COL4A2: variants seen among roughly 807,000 people sequenced by gnomAD.
COL4A2 encodes the protein collagen type IV alpha 2 chain.
COL4A2 carries 99 observed loss-of-function variants against 200.2 expected under a neutral mutation model. The observed-to-expected ratio is 0.49, with a 90% confidence interval of 0.42 to 0.58. The LOEUF (loss-of-function observed/expected upper bound fraction) is 0.58, where lower values mean the gene tolerates loss of function less well. COL4A2 is among the 20% of genes least tolerant of loss of function. The pLI, the probability that COL4A2 is intolerant of heterozygous loss-of-function variation, is 0.00. For synonymous variants in COL4A2, 897 were observed against 900.6 expected (o/e 1.00, Z 0.07); for missense variants, 1,950 against 2,314.1 (o/e 0.84, Z 3.23).
At chr13:110,485,955 G>C in intron 34 of COL4A2, 119 bp downstream of exon 34, 1 of 1,475,292 alleles carries the variant, frequency 6.8e-7, no homozygotes, top group Admixed American at 2.5e-5. Flanking sequence ...GTTCAGGGCA[G>C]CCTCAGGCTT....
intron 3 of COL4A2, among the ~76,000 whole-genome samples, chr13:110,327,241 G>A (rs1885441595): frequency 6.6e-6 from 1 of 152,176 alleles, no homozygotes; most frequent in Non-Finnish European, 1.5e-5. Context: ...CATGGAATTT[G>A]GGCGTCCCCA....
chr13:110,351,368 C>T (rs544969119), intron 3 of COL4A2, among the ~76,000 whole-genome samples: 1 of 152,302 alleles, frequency 6.6e-6, no homozygotes, highest in African/African-American at 2.4e-5. Flanking sequence ...AGCCCCCGCA[C>T]CCAGCCTTCT....
At chr13:110,437,882 T>G in intron 13 of COL4A2, 120 bp from the exon 14 acceptor site, 1 of 839,040 alleles carries the variant, frequency 1.2e-6, no homozygotes, top group Non-Finnish European at 2.0e-6. Flanking sequence ...GTAATCAATT[T>G]ATGATGATTG....
intron 3 of COL4A2, among the ~76,000 whole-genome samples, chr13:110,336,041 A>G (rs1366289781): frequency 6.6e-6 from 1 of 152,206 alleles, no homozygotes; most frequent in Non-Finnish European, 1.5e-5. Flanking sequence ...CTTTCCCCCC[A>G]GAGCTGACAT....
At chr13:110,504,590 T>G (rs1411548751) in intron 45 of COL4A2, among the ~76,000 whole-genome samples, 1 of 152,194 alleles carries the variant, frequency 6.6e-6, no homozygotes, top group Non-Finnish European at 1.5e-5. Flanking sequence ...AGAGCCGCAC[T>G]GCGAAGCCCT....
chr13:110,456,810 G>T (rs28502737), intron 20 of COL4A2: 1 of 437,886 alleles, frequency 2.3e-6, no homozygotes, highest in South Asian at 1.7e-5. Flanking sequence ...CCATGGTGCC[G>T]ATGCCCTGCG....
At chr13:110,454,255 T>A (rs1318930484) in intron 20 of COL4A2, among the ~76,000 whole-genome samples, 1 of 152,210 alleles carries the variant, frequency 6.6e-6, no homozygotes, top group African/African-American at 2.4e-5. Flanking sequence ...ATAGGACTTA[T>A]TTAAAATGAC....
intron 4 of COL4A2, among the ~76,000 whole-genome samples, chr13:110,411,690 G>A (rs1321634944): frequency 6.6e-6 from 1 of 152,152 alleles, no homozygotes; most frequent in African/African-American, 2.4e-5. Flanking sequence ...TATTTTTGTA[G>A]ACAATTTGTC....
intron 40 of COL4A2, among the ~76,000 whole-genome samples, chr13:110,500,796 A>C (rs532956925): frequency 6.6e-6 from 1 of 152,242 alleles, no homozygotes; most frequent in African/African-American, 2.4e-5. Flanking sequence ...ATTCAGGAAC[A>C]GTCAACATGC....
At chr13:110,462,002 G>C (rs892972108) in intron 22 of COL4A2, 112 bp from the exon 23 acceptor site, 90 of 1,493,336 alleles carry the variant, frequency 6.0e-5, no homozygotes, top group Non-Finnish European at 6.9e-5. Flanking sequence ...CGCTCGGTTT[G>C]GTGACGGGTG....
At chr13:110,450,922 C>T (rs901653768) in intron 20 of COL4A2, among the ~76,000 whole-genome samples, 4 of 152,154 alleles carry the variant, frequency 2.6e-5, no homozygotes, top group East Asian at 1.9e-4. Flanking sequence ...CTTCTCAGCC[C>T]GTGCACAGCC....
intron 3 of COL4A2, among the ~76,000 whole-genome samples, chr13:110,349,978 G>T (rs1876883803): frequency 6.6e-6 from 1 of 152,020 alleles, no homozygotes; most frequent in African/African-American, 2.4e-5. Context: ...TGGCCAGGCT[G>T]GTCTTGAACT....
chr13:110,455,235 G>A (rs559912018), intron 20 of COL4A2, among the ~76,000 whole-genome samples: 2 of 152,238 alleles, frequency 1.3e-5, no homozygotes, highest in African/African-American at 4.8e-5. Context: ...TAAAAGCCAA[G>A]TCCGGTTTCT....
At chr13:110,471,991 G>A (rs867740053) in intron 28 of COL4A2, among the ~76,000 whole-genome samples, 5 of 152,160 alleles carry the variant, frequency 3.3e-5, no homozygotes, top group African/African-American at 1.2e-4. Flanking sequence ...GCCATGTCAG[G>A]GCTGACTGCA....
intron 13 of COL4A2, 102 bp from the exon 14 acceptor site, chr13:110,437,900 A>G: frequency 1.1e-6 from 1 of 936,580 alleles, no homozygotes; most frequent in Non-Finnish European, 1.7e-6. Flanking sequence ...TTGTGTGAGG[A>G]TTGATTCAGT....
At chr13:110,420,224 T>C (rs74936919) in intron 4 of COL4A2, among the ~76,000 whole-genome samples, 3 of 152,202 alleles carry the variant, frequency 2.0e-5, no homozygotes, top group Admixed American at 6.5e-5. Context: ...TGGTCCCATC[T>C]GAGCCCCTGT....
intron 36 of COL4A2, among the ~76,000 whole-genome samples, chr13:110,490,071 G>A (rs762694989): frequency 6.6e-6 from 1 of 152,224 alleles, no homozygotes; most frequent in Non-Finnish European, 1.5e-5. Flanking sequence ...AAGTGTAACT[G>A]ATGAAAAGCC....
In COL4A2 at chr13:110,436,298, G is replaced by A. The variant is rs766567468; in HGVS notation, c.756G>A (p.Gly252=). ...ACGTAGGGCAGCCGGGACCCAACGG[G>A]ATTCCATCAGACACCCTCCACCCCA... is the stretch of plus-strand genomic sequence containing the variant. The part of the protein sequence containing the change: ...KGDVGQPGPN[G]IPSDTLHPII... Residue 252 remains glycine, a synonymous_variant, in exon 13 of 48, where the codon GGG becomes GGA. Transcript: ENST00000360467. The A allele has an allele frequency of 8.7e-6, 14 of 1,613,786 alleles. No individual in the cohort carries two copies. Among genetic ancestry groups the A allele is most frequent in the Non-Finnish European group, 1.2e-5 (14 of 1,180,020 alleles).
chr13:110,498,826 G>T (rs955164862), intron 40 of COL4A2, among the ~76,000 whole-genome samples: 7 of 152,180 alleles, frequency 4.6e-5, no homozygotes, highest in Non-Finnish European at 1.0e-4. Context: ...AAAACTCTCC[G>T]TGACCTCCTG....
Sources: allele counts gnomAD v4.1 joint callset (sites outside exome capture counted in the v4.1 genomes callset), GRCh38; gene constraint gnomAD v4.1.1; transcripts MANE v1.5; gene names NCBI Gene and HGNC (gene_info 2026-07-23, HGNC 2026-07-21).